Variants in MAML2 observed in about 807,000 individuals in gnomAD.
MAML2 encodes the protein mastermind like transcriptional coactivator 2, also known as mastermind-like protein 2.
MAML2 carries 22 observed loss-of-function variants against 96.1 expected under a neutral mutation model. The ratio of observed to expected loss-of-function variants is 0.23; its 90% confidence interval spans 0.16 to 0.33. The LOEUF is 0.33. MAML2 is among the 10% of genes least tolerant of loss of function. MAML2 has a pLI of 1.00. For missense variants in MAML2, 1,367 were observed against 1,392.4 expected (o/e 0.98, Z 0.29); for synonymous variants, 561 against 521.3 (o/e 1.08, Z -1.04).
intron 1 of MAML2, among the ~76,000 whole-genome samples, chr11:96,248,113 C>CT (rs35775102): frequency 0.36 from 46,961 of 132,152 alleles, 8,804 homozygotes; most frequent in South Asian, 0.55. Context: ...TGTTTTTTTA[C>CT]TTTTTTTTTT....
chr11:96,073,274 T>C (rs1046888324), intron 2 of MAML2, among the ~76,000 whole-genome samples: 1 of 152,010 alleles, frequency 6.6e-6, no homozygotes, highest in Admixed American at 6.6e-5. Context: ...ACCTCCTCCA[T>C]TTAAAAAAAT....
Position 95,976,973 on chromosome 11 carries a change from G to A in MAML2, c.*1975C>T, listed in dbSNP as rs558464993. On this transcript the variant is annotated 3_prime_UTR_variant, in exon 5 of 5. Coordinates refer to ENST00000524717, the MANE Select transcript of MAML2 (RefSeq NM_032427.4). ...AATCAAATAAGACACAAGAACTATGGGTTTAAAAAAGAATTTGGGAGCAGG... is the reference window on the plus strand; with the variant it reads ...AATCAAATAAGACACAAGAACTATGAGTTTAAAAAAGAATTTGGGAGCAGG... 1 of 199,866 alleles carries A rather than the reference G, an allele frequency of 5.0e-6. No homozygotes were observed. Among genetic ancestry groups the A allele is most frequent in the South Asian group, 1.9e-4 (1 of 5,226 alleles). 12.4% of individuals were successfully genotyped at this position (199,866 alleles called of 1,614,324 possible).
At chr11:96,102,845 A>T (rs995547234) in intron 1 of MAML2, among the ~76,000 whole-genome samples, 2 of 152,256 alleles carry the variant, frequency 1.3e-5, no homozygotes, top group Non-Finnish European at 2.9e-5. Context: ...TGAAAAATCC[A>T]GCTGCTTTGT....
At chr11:96,166,998 T>C (rs955724164) in intron 1 of MAML2, among the ~76,000 whole-genome samples, 1 of 152,164 alleles carries the variant, frequency 6.6e-6, no homozygotes, top group Admixed American at 6.5e-5. Context: ...CCAAACACCA[T>C]GTCCCCATTT....
At chr11:96,330,425 C>T (rs544751294) in intron 1 of MAML2, among the ~76,000 whole-genome samples, 10 of 152,260 alleles carry the variant, frequency 6.6e-5, no homozygotes, top group African/African-American at 2.2e-4. Context: ...GGCTCAAAGA[C>T]GTTAAGTAAC....
chr11:96,163,993 G>A (rs1861154017), intron 1 of MAML2, among the ~76,000 whole-genome samples: 1 of 151,330 alleles, frequency 6.6e-6, no homozygotes, highest in African/African-American at 2.4e-5. Context: ...CTCCTGAGTA[G>A]CTGGGACTAC....
chr11:96,086,877 C>T (rs1025012988), intron 2 of MAML2, among the ~76,000 whole-genome samples: 3 of 152,116 alleles, frequency 2.0e-5, no homozygotes, highest in Non-Finnish European at 4.4e-5. Flanking sequence ...TCCCTACATT[C>T]GAATTGACCT....
chr11:96,031,588 T>G (rs1225519312), intron 2 of MAML2, among the ~76,000 whole-genome samples: 1 of 152,198 alleles, frequency 6.6e-6, no homozygotes, highest in Non-Finnish European at 1.5e-5. Context: ...ACTGAATGAA[T>G]GGATCCAGTT....
At chr11:96,163,685 T>G (rs1861147791) in intron 1 of MAML2, among the ~76,000 whole-genome samples, 1 of 152,214 alleles carries the variant, frequency 6.6e-6, no homozygotes, top group Admixed American at 6.5e-5. Flanking sequence ...TTTTTATCTG[T>G]AGGTTGTCCA....
chr11:96,209,605 CAAAA>C (rs1555024677), intron 1 of MAML2, among the ~76,000 whole-genome samples: 538 of 6,770 alleles, frequency 0.079, 2 homozygotes, highest in African/African-American at 0.25. Context: ...AACAAACAAA[CAAAA>C]AAGCAAAGTA....
chr11:96,033,702 T>C (rs1858654376), intron 2 of MAML2, among the ~76,000 whole-genome samples: 1 of 152,172 alleles, frequency 6.6e-6, no homozygotes, highest in Non-Finnish European at 1.5e-5. Flanking sequence ...GAGGAGAGTG[T>C]ACCCTGGGTC....
chr11:96,244,406 T>C (rs1862484911), intron 1 of MAML2, among the ~76,000 whole-genome samples: 1 of 152,242 alleles, frequency 6.6e-6, no homozygotes, highest in South Asian at 2.1e-4. Context: ...TTCTAATATA[T>C]GGATAGAAGA....
chr11:96,254,739 G>A (rs1452228667), intron 1 of MAML2, among the ~76,000 whole-genome samples: 1 of 152,214 alleles, frequency 6.6e-6, no homozygotes, highest in African/African-American at 2.4e-5. Flanking sequence ...GGTAAGCAAA[G>A]CAATGTGCTG....
At chr11:96,331,835 G>C (rs1243071917) in intron 1 of MAML2, among the ~76,000 whole-genome samples, 3 of 142,050 alleles carry the variant, frequency 2.1e-5, no homozygotes, top group Non-Finnish European at 4.6e-5. Context: ...AAAAAAAAAA[G>C]CTTTAATTTC....
intron 2 of MAML2, among the ~76,000 whole-genome samples, chr11:95,997,556 T>C (rs1176029743): frequency 6.6e-6 from 1 of 152,210 alleles, no homozygotes; most frequent in Non-Finnish European, 1.5e-5. Context: ...CATTGCATTC[T>C]TCTGGGCCTT....
rs199561267 is a variant in MAML2, at chr11:96,252,173, CTA to C, written c.513+89208_513+89209del. On this transcript the variant is annotated intron_variant, in intron 1 of 4. Coordinates refer to ENST00000524717, the MANE Select transcript of MAML2 (RefSeq NM_032427.4). ...TTGGGAAATATGTGCTTCTCTCTCT[CTA>C]CACACACACACACACACACCCCACA... Among the ~76,000 whole-genome samples the C allele has an allele frequency of 6.7e-5, 10 of 149,204 alleles. No individual in the cohort carries two copies. The South Asian group carries it at 8.7e-4, about 13-fold the overall frequency.
At chr11:96,232,714 G>C (rs1243996938) in intron 1 of MAML2, among the ~76,000 whole-genome samples, 1 of 152,112 alleles carries the variant, frequency 6.6e-6, no homozygotes, top group African/African-American at 2.4e-5. Context: ...CTCGCGATCC[G>C]CCTATCTCAG....
intron 1 of MAML2, among the ~76,000 whole-genome samples, chr11:96,237,948 A>C (rs149064064): frequency 0.032 from 4,924 of 152,352 alleles, 104 homozygotes; most frequent in Non-Finnish European, 0.044. Flanking sequence ...TACATTGATA[A>C]AATTTGAAAA....
Position 96,100,538 on chromosome 11 carries a change from G to A in MAML2, c.514-7021C>T, listed in dbSNP as rs184773156. Among the ~76,000 whole-genome samples the A allele has an allele frequency of 1.7e-4, 26 of 151,972 alleles. No homozygotes were observed. The East Asian group carries it at 5.0e-3, about 29-fold the overall frequency. On this transcript the variant is annotated intron_variant, in intron 1 of 4. Coordinates refer to ENST00000524717, the MANE Select transcript of MAML2 (RefSeq NM_032427.4). The stretch of plus-strand genomic sequence containing the variant: ...TTGGTCAGGCTGGTCTTGAACTCCC[G>A]ACCTCAAGTGATCTGCCTGCATCGG...
Sources: allele counts gnomAD v4.1 joint callset (sites outside exome capture counted in the v4.1 genomes callset), GRCh38; gene constraint gnomAD v4.1.1; transcripts MANE v1.5; gene names NCBI Gene and HGNC (gene_info 2026-07-23, HGNC 2026-07-21).